CYP2J2: variants seen among roughly 807,000 people sequenced by gnomAD.
The protein encoded by CYP2J2 is cytochrome P450 family 2 subfamily J member 2, also known as cytochrome P450 2J2.
In CYP2J2, 41 loss-of-function variants were observed where a neutral mutation model predicts 48.8. The observed-to-expected ratio is 0.84, with a 90% CI of 0.66 to 1.09. The LOEUF (loss-of-function observed/expected upper bound fraction) is 1.09. Among genes scored for constraint, CYP2J2 ranks in the 50% least tolerant of loss-of-function variants. CYP2J2 has a pLI of 0.00. For missense variants in CYP2J2, 644 were observed against 617.3 expected (o/e 1.04, Z -0.46); for synonymous variants, 221 against 227.1 (o/e 0.97, Z 0.24).
chr1:59,924,060 G>A (rs1644540633), intron 1 of CYP2J2, among the ~76,000 whole-genome samples: 1 of 152,164 alleles, frequency 6.6e-6, no homozygotes, highest in African/African-American at 2.4e-5. Flanking sequence ...GGAAGGCAGT[G>A]AGAAAAAGTT....
At chr1:59,895,783 G>T (rs1252715267) in intron 8 of CYP2J2, among the ~76,000 whole-genome samples, 1 of 152,100 alleles carries the variant, frequency 6.6e-6, no homozygotes, top group Non-Finnish European at 1.5e-5. Context: ...TATATCTCTT[G>T]ACCATATTAT....
the CYP2J2 span, among the ~76,000 whole-genome samples, chr1:59,946,942 A>C: frequency 6.6e-6 from 1 of 151,908 alleles, no homozygotes; most frequent in African/African-American, 2.4e-5. Flanking sequence ...GCAACTTCTG[A>C]AGCATTTTAA....
chr1:59,930,728 AT>A (rs1055113920), upstream of CYP2J2, among the ~76,000 whole-genome samples: 16 of 151,284 alleles, frequency 1.1e-4, no homozygotes, highest in African/African-American at 2.9e-4. Flanking sequence ...CAGATGGTTT[AT>A]TTTTTTTTAA....
chr1:59,965,298 GAGGACA>G, the CYP2J2 span, among the ~76,000 whole-genome samples: 6 of 152,214 alleles, frequency 3.9e-5, no homozygotes, highest in Admixed American at 3.9e-4. Context: ...ATATAAACCA[GAGGACA>G]CTGAATATAG....
At chr1:59,953,472 G>A in the CYP2J2 span, among the ~76,000 whole-genome samples, 1 of 150,034 alleles carries the variant, frequency 6.7e-6, no homozygotes, top group African/African-American at 2.5e-5. Context: ...GAAGGCAGTA[G>A]CATAAGTTGA....
chr1:59,937,962 C>T, the CYP2J2 span, among the ~76,000 whole-genome samples: 10 of 152,104 alleles, frequency 6.6e-5, no homozygotes, highest in African/African-American at 2.4e-4. Flanking sequence ...TGATGCAATT[C>T]TGAATTCCTT....
chr1:59,914,081 A>G (rs539067068), intron 2 of CYP2J2, among the ~76,000 whole-genome samples: 2 of 152,296 alleles, frequency 1.3e-5, no homozygotes, highest in African/African-American at 4.8e-5. Flanking sequence ...TATTAAATGA[A>G]TATTTATTTA....
rs772221571 is a variant in CYP2J2, at chr1:59,911,775, G to T, written c.524-7C>A. 6.2e-7 allele frequency: 1 copy of T among 1,610,520 alleles called. No homozygotes were observed. The highest frequency in any genetic ancestry group is 1.3e-5 in the African/African-American group (1 of 74,754). On this transcript the variant is annotated splice_polypyrimidine_tract_variant and splice_region_variant and intron_variant, in intron 3 of 8. Coordinates refer to ENST00000371204, the MANE Select transcript of CYP2J2 (RefSeq NM_000775.4). Reference sequence around the variant, plus strand: ...TGAGGGTCAAAAGGCTGTCCTGAAGGTGGAGGAAGGGCAAGATGGATCCTT... The same window carrying T: ...TGAGGGTCAAAAGGCTGTCCTGAAGTTGGAGGAAGGGCAAGATGGATCCTT...
chr1:59,911,808 A>G, intron 3 of CYP2J2, 40 bp from the exon 4 acceptor site: 1 of 1,582,314 alleles, frequency 6.3e-7, no homozygotes, highest in Non-Finnish European at 8.6e-7. Context: ...CTTCTGATGG[A>G]TTTGTCTCCA....
chr1:59,902,091 T>C (rs2102109763), intron 7 of CYP2J2, among the ~76,000 whole-genome samples: 2 of 152,298 alleles, frequency 1.3e-5, no homozygotes, highest in African/African-American at 4.8e-5. Context: ...TTCAGCATCC[T>C]TTTTAAATGC....
chr1:59,959,101 C>T, the CYP2J2 span, among the ~76,000 whole-genome samples: 1 of 152,130 alleles, frequency 6.6e-6, no homozygotes, highest in African/African-American at 2.4e-5. Context: ...CAAAGATTTC[C>T]CTCCTGCAAT....
chr1:59,908,367 T>C (rs531540464), intron 5 of CYP2J2, among the ~76,000 whole-genome samples: 2 of 152,334 alleles, frequency 1.3e-5, no homozygotes, highest in South Asian at 4.1e-4. Flanking sequence ...ATGAATTATA[T>C]GAATGCAAGG....
At chr1:59,900,335 T>C (rs963514725) in intron 8 of CYP2J2, among the ~76,000 whole-genome samples, 1 of 152,160 alleles carries the variant, frequency 6.6e-6, no homozygotes, top group Non-Finnish European at 1.5e-5. Context: ...TTAGTAAGGA[T>C]GGCAGCACCC....
the CYP2J2 span, among the ~76,000 whole-genome samples, chr1:59,951,245 C>T: frequency 6.6e-6 from 1 of 152,210 alleles, no homozygotes; most frequent in African/African-American, 2.4e-5. Flanking sequence ...CCTCTACATT[C>T]TGTTGCTTTA....
chr1:59,901,623 G>C (rs1242487687), intron 7 of CYP2J2, among the ~76,000 whole-genome samples: 4 of 152,170 alleles, frequency 2.6e-5, no homozygotes, highest in Admixed American at 2.6e-4. Context: ...ACCCATGCAA[G>C]GAGCCCCTGT....
chr1:59,900,567 G>A (rs1237622656), intron 8 of CYP2J2, among the ~76,000 whole-genome samples: 1 of 152,184 alleles, frequency 6.6e-6, no homozygotes, highest in East Asian at 1.9e-4. Context: ...CTGGGAGGTG[G>A]AGGTTGCAGT....
At chr1:59,934,995 T>TATATATATATATATATATATAC in the CYP2J2 span, among the ~76,000 whole-genome samples, 2 of 47,610 alleles carry the variant, frequency 4.2e-5, no homozygotes, top group Non-Finnish European at 7.2e-5. Context: ...ATGGGATATA[T>TATATATATATATATATATATAC]ATATATATAT....
At chr1:59,906,364 G>T (rs934216540) in intron 6 of CYP2J2, among the ~76,000 whole-genome samples, 7 of 151,992 alleles carry the variant, frequency 4.6e-5, no homozygotes, top group East Asian at 1.9e-4. Context: ...CTTACAGAGT[G>T]CTAACAAGGG....
At chr1:59,905,935 C>T (rs1196445229) in intron 6 of CYP2J2, among the ~76,000 whole-genome samples, 1 of 152,164 alleles carries the variant, frequency 6.6e-6, no homozygotes, top group Non-Finnish European at 1.5e-5. Context: ...GCTTGTAATC[C>T]CAGCACTTTG....
Sources: allele counts gnomAD v4.1 joint callset (sites outside exome capture counted in the v4.1 genomes callset), GRCh38; gene constraint gnomAD v4.1.1; transcripts MANE v1.5; gene names NCBI Gene and HGNC (gene_info 2026-07-23, HGNC 2026-07-21).